GALNTL6: variants seen among roughly 807,000 people sequenced by gnomAD.
GALNTL6 encodes polypeptide N-acetylgalactosaminyltransferase like 6.
GALNTL6 carries 46 observed loss-of-function variants against 73.7 expected under a neutral mutation model. The ratio of observed to expected loss-of-function variants is 0.62; its 90% CI spans 0.49 to 0.80. The LOEUF (loss-of-function observed/expected upper bound fraction) is 0.80. GALNTL6 is among the 30% of genes least tolerant of loss of function. GALNTL6 has a pLI of 0.00. For synonymous variants in GALNTL6, 259 were observed against 263.7 expected, an observed-to-expected ratio of 0.98 and a Z score of 0.17; for missense variants, 604 against 755.0, an observed-to-expected ratio of 0.80 and a Z score of 2.34.
At chr4:172,816,262 A>G (rs1028036614) in intron 7 of GALNTL6, among the ~76,000 whole-genome samples, 1 of 152,252 alleles carries the variant, frequency 6.6e-6, no homozygotes, top group African/African-American at 2.4e-5. Flanking sequence ...GGATGCAAAA[A>G]TTATCTTTCT....
intron 4 of GALNTL6, among the ~76,000 whole-genome samples, chr4:172,314,600 CTTTTTTT>C (rs773057515): frequency 2.8e-5 from 2 of 70,672 alleles, no homozygotes; most frequent in Admixed American, 2.1e-4. Flanking sequence ...AATGCGTAGG[CTTTTTTT>C]TTTTTTTTTT....
intron 2 of GALNTL6, among the ~76,000 whole-genome samples, chr4:171,934,837 C>T (rs1738293825): frequency 6.6e-6 from 1 of 152,210 alleles, no homozygotes; most frequent in Admixed American, 6.5e-5. Context: ...TCATATTAAC[C>T]AATTTCTCTT....
At chr4:171,985,811 G>A (rs1740055696) in intron 2 of GALNTL6, among the ~76,000 whole-genome samples, 1 of 151,636 alleles carries the variant, frequency 6.6e-6, no homozygotes, top group African/African-American at 2.4e-5. Context: ...AGGCCGAGGT[G>A]GGTGGATCAC....
At chr4:171,946,636 T>G (rs891275548) in intron 2 of GALNTL6, among the ~76,000 whole-genome samples, 2 of 152,126 alleles carry the variant, frequency 1.3e-5, no homozygotes, top group African/African-American at 4.8e-5. Flanking sequence ...TTGTGATACA[T>G]GTTATGAAGA....
intron 5 of GALNTL6, among the ~76,000 whole-genome samples, chr4:172,808,865 T>C (rs1404000079): frequency 2.0e-5 from 3 of 152,218 alleles, no homozygotes; most frequent in African/African-American, 7.2e-5. Flanking sequence ...AGTTTGCTAT[T>C]AACTTCTGGG....
At chr4:172,542,089 A>C (rs1735571253) in intron 5 of GALNTL6, among the ~76,000 whole-genome samples, 1 of 151,468 alleles carries the variant, frequency 6.6e-6, no homozygotes. Context: ...TAACAGGGAG[A>C]AGAGAAGAGA....
At chr4:171,907,095 T>G (rs1201831751) in intron 2 of GALNTL6, among the ~76,000 whole-genome samples, 9 of 152,122 alleles carry the variant, frequency 5.9e-5, no homozygotes, top group Admixed American at 5.9e-4. Context: ...AAGACAGGGA[T>G]GCCCTCTCTC....
chr4:172,565,889 C>T (rs1736537311), intron 5 of GALNTL6, among the ~76,000 whole-genome samples: 1 of 151,982 alleles, frequency 6.6e-6, no homozygotes, highest in South Asian at 2.1e-4. Flanking sequence ...AGTGATGATA[C>T]TTATATAAGA....
intron 2 of GALNTL6, among the ~76,000 whole-genome samples, chr4:172,008,992 A>T (rs1740920063): frequency 6.6e-6 from 1 of 152,130 alleles, no homozygotes. Context: ...AGTGAGAAAG[A>T]TGGAGAAAGA....
intron 5 of GALNTL6, among the ~76,000 whole-genome samples, chr4:172,599,410 G>A (rs1236611375): frequency 1.3e-5 from 2 of 152,032 alleles, no homozygotes; most frequent in Non-Finnish European, 2.9e-5. Context: ...CGACTTGATT[G>A]GTCTAACTTG....
chr4:173,031,628 A>AG (rs929196134), intron 12 of GALNTL6, among the ~76,000 whole-genome samples: 20 of 151,916 alleles, frequency 1.3e-4, no homozygotes, highest in African/African-American at 4.1e-4. Flanking sequence ...GGAAAAAAAA[A>AG]AGAGAGAGAG....
intron 3 of GALNTL6, among the ~76,000 whole-genome samples, chr4:172,264,082 A>T (rs773602229): frequency 1.3e-5 from 2 of 151,546 alleles, no homozygotes; most frequent in Non-Finnish European, 3.0e-5. Context: ...TTCTCAGTCT[A>T]TGCAGGAAAT....
chr4:172,409,711 G>A (rs1325599625), intron 5 of GALNTL6, among the ~76,000 whole-genome samples: 1 of 151,900 alleles, frequency 6.6e-6, no homozygotes, highest in East Asian at 1.9e-4. Flanking sequence ...CCTGATGTTG[G>A]TATTTAATAG....
chr4:172,292,701 A>C (rs145043486), intron 3 of GALNTL6, among the ~76,000 whole-genome samples: 51 of 152,272 alleles, frequency 3.3e-4, no homozygotes, highest in African/African-American at 1.2e-3. Flanking sequence ...TGTTGGTATA[A>C]AGACAGAAAA....
chr4:172,176,516 A>G (rs908233954), intron 2 of GALNTL6, among the ~76,000 whole-genome samples: 18 of 152,128 alleles, frequency 1.2e-4, no homozygotes, highest in Admixed American at 9.8e-4. Context: ...GTAAGGAACC[A>G]TGATGCTTCC....
intron 2 of GALNTL6, among the ~76,000 whole-genome samples, chr4:172,091,273 C>G (rs536730238): frequency 6.6e-6 from 1 of 152,234 alleles, no homozygotes; most frequent in Non-Finnish European, 1.5e-5. Flanking sequence ...TTTAAGCTGG[C>G]TTTGCTGGAA....
rs551879663 is a variant in GALNTL6 at position 172,595,205 on chromosome 4, C to T, written c.554-214156C>T. Among the ~76,000 whole-genome samples the T allele has an allele frequency of 1.6e-4, 24 of 152,246 alleles. No individual in the cohort carries two copies. In the East Asian group the frequency reaches 4.4e-3, roughly 28 times the overall value. ...ATATGAATTTGTGGGGGAGCACAAA[C>T]ATTTAGTTCATTGCAACTGGAGTAT... On this transcript the variant is annotated intron_variant, in intron 5 of 12. Transcript: ENST00000506823.
At chr4:172,671,587 A>G (rs1433217813) in intron 5 of GALNTL6, among the ~76,000 whole-genome samples, 2 of 152,212 alleles carry the variant, frequency 1.3e-5, no homozygotes, top group South Asian at 2.1e-4. Flanking sequence ...TTCTAGATAC[A>G]AGATTATATC....
chr4:172,549,768 T>C (rs960586293), intron 5 of GALNTL6, among the ~76,000 whole-genome samples: 1 of 152,126 alleles, frequency 6.6e-6, no homozygotes, highest in Non-Finnish European at 1.5e-5. Context: ...AAAAAACAAA[T>C]AGCACACTGT....
Sources: allele counts gnomAD v4.1 joint callset (sites outside exome capture counted in the v4.1 genomes callset), GRCh38; gene constraint gnomAD v4.1.1; transcripts MANE v1.5; gene names NCBI Gene and HGNC (gene_info 2026-07-23, HGNC 2026-07-21).